The following RNF169 variants were observed in gnomAD, a reference collection of about 807,000 sequenced individuals.
The protein encoded by RNF169 is E3 ubiquitin-protein ligase RNF169.
Under a neutral mutation model 53.9 loss-of-function variants are expected in RNF169, and 24 were observed. The observed-to-expected ratio is 0.45, with a 90% CI of 0.32 to 0.63. RNF169 has a LOEUF of 0.63. Ranked by LOEUF, RNF169 falls within the 20% of genes least tolerant of loss-of-function variation. The pLI is 0.04. For synonymous variants in RNF169, 396 were observed against 363.5 expected (o/e 1.09, Z -1.02); for missense variants, 883 against 906.2 (o/e 0.97, Z 0.33).
rs1323300695 is a variant in RNF169, at chr11:74,748,970, G to C, written c.90G>C (p.Glu30Asp). 6.8e-7 allele frequency: 1 copy of C among 1,479,492 alleles called. No homozygotes were observed. The highest frequency in any genetic ancestry group is 9.0e-7 in the Non-Finnish European group (1 of 1,106,000). The allele number at this position is 1,479,492 out of a possible 1,614,324, so 91.6% of individuals were successfully genotyped here. Residue 30 changes from glutamate to aspartate, a missense_variant, in exon 1 of 6, where the codon GAG becomes GAC. This residue lies in a region of RNF169 where 313 missense variants were observed against 279.9 expected (regional missense o/e 1.12). Coordinates refer to ENST00000299563, the MANE Select transcript of RNF169 (RefSeq NM_001098638.2). ...GGGGCCGGCGGGGCCGCTGTGACGA[G>C]ACGGCGGCAGCTAAGACTGGGGCCC... ...SRRGRRGRCDETAAAKTGAPG... is the reference protein window; with the variant it reads ...SRRGRRGRCDDTAAAKTGAPG...
intron 1 of RNF169, among the ~76,000 whole-genome samples, chr11:74,782,930 T>C (rs2035438160): frequency 6.6e-6 from 1 of 151,664 alleles, no homozygotes; most frequent in African/African-American, 2.4e-5. Context: ...TTTTTTAATT[T>C]GTTCAAAGAC....
rs190104850 is a variant in RNF169 at position 74,823,915 on chromosome 11, A to G, written c.842+6201A>G. The stretch of plus-strand genomic sequence containing the variant: ...AAGTCACTGAACAAATAACAGCTAT[A>G]ACAGACAGCAACAACAAACCCAGGG... On this transcript the variant is annotated intron_variant, in intron 4 of 5. Transcript: ENST00000299563. 3.9e-5 allele frequency among the ~76,000 whole-genome samples: 6 copies of G among 152,292 alleles called. No homozygotes were observed. The East Asian group carries it at 1.2e-3, about 29-fold the overall frequency.
Position 74,748,928 on chromosome 11 carries a change from A to C in RNF169, c.48A>C (p.Ala16=). Residue 16 remains alanine (A), a synonymous_variant, in exon 1 of 6, where the codon GCA becomes GCC. Coordinates refer to ENST00000299563, the MANE Select transcript of RNF169 (RefSeq NM_001098638.2). Reference sequence around the variant, plus strand: ...CTCGGGCCTCTTCCGCGGCGGCAGCAGCCGCTCTGAGTCGGCGGGGCCGGC... The same window carrying C: ...CTCGGGCCTCTTCCGCGGCGGCAGCCGCCGCTCTGAGTCGGCGGGGCCGGC... The part of the protein sequence containing the change: ...PSTRASSAAA[A]AALSRRGRRG... 1 of 1,457,714 alleles carries C rather than the reference A, an allele frequency of 6.9e-7. No individual in the cohort carries two copies. The highest frequency in any genetic ancestry group is 9.1e-7 in the Non-Finnish European group (1 of 1,095,470). 90.3% of individuals were successfully genotyped at this position (1,457,714 alleles called of 1,614,324 possible). A position where few individuals can be genotyped will look rare whatever the true frequency, so the allele number is the denominator to read the frequency against.
chr11:74,782,605 A>G (rs1444190184), intron 1 of RNF169, among the ~76,000 whole-genome samples: 1 of 152,160 alleles, frequency 6.6e-6, no homozygotes, highest in East Asian at 1.9e-4. Flanking sequence ...AAGGCTGGGG[A>G]CCACTGATAT....
At chr11:74,806,654 A>G (rs1253328764) in intron 2 of RNF169, among the ~76,000 whole-genome samples, 2 of 152,254 alleles carry the variant, frequency 1.3e-5, no homozygotes, top group Non-Finnish European at 2.9e-5. Context: ...GCATGGATGA[A>G]TATCACAAAT....
At chr11:74,771,881 T>G (rs2035265609) in intron 1 of RNF169, among the ~76,000 whole-genome samples, 1 of 152,174 alleles carries the variant, frequency 6.6e-6, no homozygotes, top group Admixed American at 6.5e-5. Context: ...CAAGACCTTC[T>G]CTCTATAAAA....
At chr11:74,755,592 A>G (rs994202310) in intron 1 of RNF169, among the ~76,000 whole-genome samples, 2 of 152,250 alleles carry the variant, frequency 1.3e-5, no homozygotes, top group Non-Finnish European at 2.9e-5. Context: ...TAACAATACA[A>G]CGTGTTAAGT....
chr11:74,838,271 A>G lies in RNF169; in HGVS notation c.*1541A>G, dbSNP rs1185209172. On this transcript the variant is annotated 3_prime_UTR_variant, in exon 6 of 6. Transcript: ENST00000299563. ...TGACCCATTGATCAAGGCAGATAGT[A>G]TAACTCCTTTTAAGTGTTCTCAGAT... The G allele has an allele frequency of 6.6e-6, 1 of 152,226 alleles. No individual in the cohort carries two copies. The highest frequency in any genetic ancestry group is 1.5e-5 in the Non-Finnish European group (1 of 68,044). 9.4% of individuals were successfully genotyped at this position (152,226 alleles called of 1,614,324 possible).
Position 74,812,091 on chromosome 11 carries a change from T to G in RNF169, c.723+1761T>G, listed in dbSNP as rs184376707. 2.4e-3 allele frequency among the ~76,000 whole-genome samples: 366 copies of G among 152,122 alleles called. 1 individual carries two copies. The highest frequency in any genetic ancestry group is 6.8e-3 in the Middle Eastern group (2 of 294). ...GAAATTGCTCTAATTATTTTTGCAT[T>G]TGCCACTACCATTTTTGAAATAGAA... On this transcript the variant is annotated intron_variant, in intron 3 of 5. Transcript: ENST00000299563.
chr11:74,832,706 G>A (rs974092753), intron 4 of RNF169, among the ~76,000 whole-genome samples: 3 of 152,024 alleles, frequency 2.0e-5, no homozygotes, highest in Non-Finnish European at 4.4e-5. Flanking sequence ...TTGTTTTGCC[G>A]ATGGAATCAC....
At chr11:74,808,345 T>G (rs1033639669) in intron 2 of RNF169, among the ~76,000 whole-genome samples, 2 of 152,192 alleles carry the variant, frequency 1.3e-5, no homozygotes, top group Admixed American at 6.5e-5. Context: ...ATATTTAGTT[T>G]TCTTAAAAAT....
At chr11:74,833,053 A>T (rs1287149716) in intron 4 of RNF169, among the ~76,000 whole-genome samples, 1 of 152,188 alleles carries the variant, frequency 6.6e-6, no homozygotes, top group African/African-American at 2.4e-5. Context: ...TTCTTGGTAA[A>T]GTGCAAGCAC....
chr11:74,753,720 AT>A (rs535727992), intron 1 of RNF169, among the ~76,000 whole-genome samples: 1,689 of 150,774 alleles, frequency 0.011, 32 homozygotes, highest in African/African-American at 0.037. Flanking sequence ...GACGTTCTTA[AT>A]TTTTTTTTTA....
At chr11:74,825,078 G>C (rs550081184) in intron 4 of RNF169, among the ~76,000 whole-genome samples, 13 of 152,150 alleles carry the variant, frequency 8.5e-5, no homozygotes, top group Non-Finnish European at 1.8e-4. Flanking sequence ...AGACAATATA[G>C]ACTTCAGGTT....
At chr11:74,788,786 G>T (rs1591406340) in intron 1 of RNF169, among the ~76,000 whole-genome samples, 1 of 151,972 alleles carries the variant, frequency 6.6e-6, no homozygotes, top group Admixed American at 6.6e-5. Flanking sequence ...TGTGTTGTAG[G>T]TTCATACAGG....
At chr11:74,764,946 G>T (rs966023859) in intron 1 of RNF169, among the ~76,000 whole-genome samples, 1 of 152,140 alleles carries the variant, frequency 6.6e-6, no homozygotes, top group African/African-American at 2.4e-5. Context: ...GGACACGGTG[G>T]TTCATGCCTA....
chr11:74,832,775 C>T (rs571236082), intron 4 of RNF169, among the ~76,000 whole-genome samples: 64 of 152,260 alleles, frequency 4.2e-4, no homozygotes, highest in African/African-American at 1.5e-3. Context: ...TGCTGTCTCC[C>T]TTTTTTCTAA....
Position 74,838,062 on chromosome 11 carries a change from C to A in RNF169, c.*1332C>A, listed in dbSNP as rs2036283699. ...TATATGTTGTTTCCTTTGAGTAGCC[C>A]CAGCAGGATACTGCTTAGTTTTTCC... On this transcript the variant is annotated 3_prime_UTR_variant, in exon 6 of 6. Transcript: ENST00000299563. 6.6e-6 allele frequency: 1 copy of A among 152,138 alleles called. No individual in the cohort carries two copies. Among genetic ancestry groups the A allele is most frequent in the Non-Finnish European group, 1.5e-5 (1 of 68,028 alleles). 9.4% of individuals were successfully genotyped at this position (152,138 alleles called of 1,614,324 possible).
intron 1 of RNF169, among the ~76,000 whole-genome samples, chr11:74,775,152 A>G (rs1591397017): frequency 6.6e-6 from 1 of 152,172 alleles, no homozygotes; most frequent in East Asian, 1.9e-4. Context: ...TTAGATTTGC[A>G]TATTATCATA....
Sources: gnomAD v4.1 joint callset for allele counts (sites outside exome capture counted in the v4.1 genomes callset) on GRCh38, gnomAD v4.1.1 for gene constraint, gnomAD v4.1.1 regional missense constraint, MANE v1.5 for transcripts, NCBI Gene and HGNC (gene_info 2026-07-23, HGNC 2026-07-21) for gene names.